Variants in EXD3 observed in about 807,000 individuals in gnomAD.
EXD3 encodes the protein exonuclease 3'-5' domain containing 3.
EXD3 carries 92 observed loss-of-function variants against 98.0 expected under a neutral mutation model. The observed-to-expected ratio is 0.94, with a 90% CI of 0.79 to 1.12. The LOEUF (loss-of-function observed/expected upper bound fraction) is 1.12. EXD3 is among the 50% of genes most tolerant of loss of function. The pLI is 0.00. For missense variants in EXD3, 1,222 were observed against 1,191.6 expected (o/e 1.03, Z -0.38); for synonymous variants, 569 against 526.0 (o/e 1.08, Z -1.12).
rs540084414 is a variant in EXD3, at chr9:137,400,205, CAATTCGGGTTGA to C, written c.-47-4813_-47-4802del. 3.3e-5 allele frequency among the ~76,000 whole-genome samples: 5 copies of C among 152,254 alleles called. No homozygotes were observed. The South Asian group carries it at 1.0e-3, about 32-fold the overall frequency. The stretch of plus-strand genomic sequence containing the variant: ...CATAACGTGGGAATTCTGGGAGATA[CAATTCGGGTTGA>C]GATTTGGGTGGGGACACAGCCAAAC... On this transcript the variant is annotated intron_variant, in intron 1 of 21. Transcript: ENST00000340951.
intron 12 of EXD3, 74 bp downstream of exon 12, chr9:137,351,992 G>A (rs1834330859): frequency 2.0e-6 from 3 of 1,516,146 alleles, no homozygotes; most frequent in African/African-American, 1.4e-5. Context: ...CGAATGCCAT[G>A]CCCCTGATGC....
At chr9:137,323,684 C>T (rs750264002) in intron 19 of EXD3, 41 bp downstream of exon 19, 2 of 1,602,188 alleles carry the variant, frequency 1.2e-6, no homozygotes, top group East Asian at 2.2e-5. Context: ...AGCTCCAGAT[C>T]TTGTGCCAGC....
At chr9:137,330,715 C>G (rs968937899) in intron 17 of EXD3, among the ~76,000 whole-genome samples, 2 of 152,086 alleles carry the variant, frequency 1.3e-5, no homozygotes, top group African/African-American at 2.4e-5. Context: ...TTTCAAAGTT[C>G]TGTAGAGCTA....
At chr9:137,348,377 A>G in intron 16 of EXD3, 139 bp from the exon 17 acceptor site, 5 of 1,049,740 alleles carry the variant, frequency 4.8e-6, no homozygotes, top group South Asian at 1.7e-5. Context: ...TGTGCTGTGC[A>G]TAAAACAGCA....
chr9:137,345,313 C>T (rs917853016), intron 17 of EXD3, among the ~76,000 whole-genome samples: 6 of 152,188 alleles, frequency 3.9e-5, no homozygotes, highest in Non-Finnish European at 7.3e-5. Context: ...AGGTATAATC[C>T]TTATATGAAA....
Position 137,349,613 on chromosome 9 carries a change from G to C in EXD3, c.1495-82C>G. On this transcript the variant is annotated intron_variant, in intron 14 of 21. Coordinates refer to ENST00000340951, the MANE Select transcript of EXD3 (RefSeq NM_017820.5). The surrounding 1 kb of genome is among the most constrained non-coding windows in gnomAD (Gnocchi z 7.4). ...CCGTGCCCACTCACACCAGCCCTGCGGGGGCTCTGGAGGAGGCCCCGCCCC... is the reference window on the plus strand; with the variant it reads ...CCGTGCCCACTCACACCAGCCCTGCCGGGGCTCTGGAGGAGGCCCCGCCCC... 2 of 1,393,534 alleles carry C rather than the reference G, an allele frequency of 1.4e-6. No individual in the cohort carries two copies. Among genetic ancestry groups the C allele is most frequent in the South Asian group, 3.1e-5 (2 of 64,888 alleles). The allele number at this position is 1,393,534 out of a possible 1,614,324, so 86.3% of individuals were successfully genotyped here. A position where few individuals can be genotyped will look rare whatever the true frequency, so the allele number is the denominator to read the frequency against.
At chr9:137,327,461 T>C (rs1404775020) in intron 17 of EXD3, among the ~76,000 whole-genome samples, 2 of 152,154 alleles carry the variant, frequency 1.3e-5, no homozygotes, top group Middle Eastern at 3.4e-3. Context: ...TGATACCCAG[T>C]TCTGGAAAGG....
At chr9:137,408,077 GCTGT>G (rs1263557025) in intron 1 of EXD3, among the ~76,000 whole-genome samples, 2 of 152,128 alleles carry the variant, frequency 1.3e-5, no homozygotes, top group African/African-American at 4.8e-5. Context: ...CAACCTCCTT[GCTGT>G]GTCTCCAGAA....
chr9:137,372,443 G>A (rs897831581), intron 5 of EXD3, among the ~76,000 whole-genome samples: 11 of 152,234 alleles, frequency 7.2e-5, no homozygotes, highest in African/African-American at 2.2e-4. Context: ...CTTCCAGGGC[G>A]CTCACTGCCG....
intron 1 of EXD3, among the ~76,000 whole-genome samples, chr9:137,419,633 C>T (rs1838407817): frequency 6.6e-6 from 1 of 152,092 alleles, no homozygotes; most frequent in Non-Finnish European, 1.5e-5. Flanking sequence ...CGCACCACTA[C>T]ACTCCAGCCT....
chr9:137,403,998 C>T lies in EXD3; in HGVS notation c.-47-8594G>A, dbSNP rs997716454. ...GGCGCGAGTGACAGGGACGTGTGTC[C>T]TCACTGTCCCGAGGCTGCAGCTCTG... On this transcript the variant is annotated intron_variant, in intron 1 of 21. Transcript: ENST00000340951. This position sits in a 1 kb window ranked among gnomAD's most constrained non-coding sequence, Gnocchi z 6.1. Among the ~76,000 whole-genome samples the T allele has an allele frequency of 2.0e-5, 3 of 151,792 alleles. No individual in the cohort carries two copies. Among genetic ancestry groups the T allele is most frequent in the Non-Finnish European group, 2.9e-5 (2 of 67,948 alleles).
intron 6 of EXD3, 62 bp downstream of exon 6, chr9:137,367,874 T>C: frequency 6.6e-7 from 1 of 1,517,762 alleles, no homozygotes; most frequent in South Asian, 1.2e-5. Flanking sequence ...AAACACTGTT[T>C]ATAGAGACCT....
intron 13 of EXD3, 64 bp downstream of exon 13, chr9:137,351,254 G>T: frequency 3.9e-6 from 6 of 1,552,886 alleles, no homozygotes; most frequent in Non-Finnish European, 5.2e-6. Flanking sequence ...GGAGGGAAGG[G>T]TCAGGCAGGG....
rs2119241087 is a variant in EXD3 at position 137,354,693 on chromosome 9, C to A, written c.831+7G>T. 6.2e-7 allele frequency: 1 copy of A among 1,610,576 alleles called. No homozygotes were observed. The highest frequency in any genetic ancestry group is 8.5e-7 in the Non-Finnish European group (1 of 1,179,670). On this transcript the variant is annotated splice_region_variant and intron_variant, in intron 9 of 21. Transcript: ENST00000340951. ...GCTGCCCCCAGGACCCCCTCCTGCT[C>A]ACGAACCTCCACAAACCGCTTGTGG...
chr9:137,348,400 A>G (rs1834049323), intron 16 of EXD3, among the ~76,000 whole-genome samples, 162 bp from the exon 17 acceptor site: 1 of 150,700 alleles, frequency 6.6e-6, no homozygotes, highest in Admixed American at 6.6e-5. Context: ...AACGCAGACA[A>G]AATGCAGTGA....
intron 19 of EXD3, among the ~76,000 whole-genome samples, chr9:137,312,415 G>A (rs948524788): frequency 3.3e-5 from 5 of 152,286 alleles, no homozygotes; most frequent in African/African-American, 1.2e-4. Flanking sequence ...CAACAGCGCC[G>A]TGCCAGCCCT....
chr9:137,398,127 T>C (rs1837299738), intron 1 of EXD3, among the ~76,000 whole-genome samples: 1 of 152,030 alleles, frequency 6.6e-6, no homozygotes, highest in Non-Finnish European at 1.5e-5. Flanking sequence ...GGCAGATGAG[T>C]CAGTGAATCT....
rs139279663 is a variant in EXD3 at position 137,416,992 on chromosome 9, G to A, written c.-48+6122C>T. ...AGAACACGCCCAACTCCACGGGAGG[G>A]TCTGACCAAGGGGACCCCACCTTAG... On this transcript the variant is annotated intron_variant, in intron 1 of 21. Coordinates refer to ENST00000340951, the MANE Select transcript of EXD3 (RefSeq NM_017820.5). 4.8e-3 allele frequency among the ~76,000 whole-genome samples: 733 copies of A among 152,340 alleles called. 9 individuals are homozygous for A. The highest frequency in any genetic ancestry group is 0.024 in the Middle Eastern group (7 of 294).
rs1408600811 is a variant in EXD3 at position 137,385,576 on chromosome 9, C to T, written c.56-2199G>A. On this transcript the variant is annotated intron_variant, in intron 2 of 21. Transcript: ENST00000340951. The surrounding 1 kb of genome is among the most constrained non-coding windows in gnomAD (Gnocchi z 4.4). ...ATTTAGAGACGGAGTCTCACTGTCA[C>T]CCAGGCTGGAGTGCAGTGCTGTGAT... Among the ~76,000 whole-genome samples the T allele has an allele frequency of 6.6e-6, 1 of 152,186 alleles. No individual in the cohort carries two copies. The highest frequency in any genetic ancestry group is 1.5e-5 in the Non-Finnish European group (1 of 68,032).
Sources: allele counts gnomAD v4.1 joint callset (sites outside exome capture counted in the v4.1 genomes callset), GRCh38; gene constraint gnomAD v4.1.1; non-coding constraint Gnocchi (gnomAD v3.1); transcripts MANE v1.5; gene names NCBI Gene and HGNC (gene_info 2026-07-23, HGNC 2026-07-21).